The following HTR4 variants were observed in gnomAD, a reference collection of about 807,000 sequenced individuals.
HTR4 encodes 5-hydroxytryptamine (serotonin) receptor 4, G protein-coupled.
A neutral mutation model predicts 36.8 loss-of-function variants in HTR4; 16 were observed. That is an observed-to-expected ratio of 0.43 (90% CI 0.29 to 0.66). HTR4 has a LOEUF of 0.66. Ranked by LOEUF, HTR4 falls within the 30% of genes least tolerant of loss-of-function variation. The probability of loss-of-function intolerance (pLI) is 0.13; values close to 1 mark genes in which losing one functional copy is unlikely to be tolerated. For missense variants in HTR4, 438 were observed against 490.9 expected (o/e 0.89, Z 1.02); for synonymous variants, 189 against 185.1 (o/e 1.02, Z -0.17).
At position 148,481,700 on chromosome 5, in the gene HTR4, A is replaced by G. The variant is rs199569491; in HGVS notation, c.*1503T>C. On this transcript the variant is annotated 3_prime_UTR_variant, in exon 7 of 7. Coordinates refer to ENST00000377888, the MANE Select transcript of HTR4 (RefSeq NM_000870.7). ...ATAAGAAAAAAAGAGAATATGATAA[A>G]TAATCCTGAGATGCTATTAAACCAC... 5 of 1,464,398 alleles carry G rather than the reference A, an allele frequency of 3.4e-6. No homozygotes were observed. The highest frequency in any genetic ancestry group is 4.5e-6 in the Non-Finnish European group (5 of 1,121,094). 90.7% of individuals were successfully genotyped at this position (1,464,398 alleles called of 1,614,324 possible). A position where few individuals can be genotyped will look rare whatever the true frequency, so the allele number is the denominator to read the frequency against.
intron 2 of HTR4, among the ~76,000 whole-genome samples, chr5:148,571,916 A>C (rs1291508043): frequency 6.6e-6 from 1 of 152,114 alleles, no homozygotes; most frequent in African/African-American, 2.4e-5. Context: ...TATCTCATGA[A>C]TATCTAATTT....
intron 2 of HTR4, among the ~76,000 whole-genome samples, chr5:148,576,126 A>C (rs1277849224): frequency 1.3e-5 from 2 of 149,292 alleles, no homozygotes; most frequent in South Asian, 2.1e-4. Flanking sequence ...AAAAAAAAAA[A>C]AAAAAAACAA....
At chr5:148,510,127 G>C in intron 5 of HTR4, 103 bp from the exon 6 acceptor site, 1 of 699,366 alleles carries the variant, frequency 1.4e-6, no homozygotes. Context: ...AAAAGAAAAA[G>C]GGAAAAGGAA....
chr5:148,490,556 A>T (rs1756370763), intron 6 of HTR4: 1 of 1,120,930 alleles, frequency 8.9e-7, no homozygotes, highest in African/African-American at 1.7e-5. Flanking sequence ...AACTCACAGA[A>T]TCACAAAAAA....
chr5:148,529,351 G>T (rs187839563), intron 4 of HTR4, among the ~76,000 whole-genome samples: 2 of 152,254 alleles, frequency 1.3e-5, no homozygotes, highest in Non-Finnish European at 1.5e-5. Flanking sequence ...TTGTGGGAGG[G>T]ACCAAGTGGG....
chr5:148,516,761 T>C (rs723181), intron 5 of HTR4, among the ~76,000 whole-genome samples: 5,377 of 152,202 alleles, frequency 0.035, 123 homozygotes, highest in African/African-American at 0.058. Flanking sequence ...GGTGACTTAA[T>C]TAAAGGACAC....
chr5:148,543,792 G>A (rs1480791772), intron 4 of HTR4, among the ~76,000 whole-genome samples: 1 of 152,152 alleles, frequency 6.6e-6, no homozygotes, highest in East Asian at 1.9e-4. Flanking sequence ...TGAACAGGGA[G>A]GAGGTTAACC....
chr5:148,614,965 T>C (rs1207520303), intron 2 of HTR4, among the ~76,000 whole-genome samples: 1 of 151,906 alleles, frequency 6.6e-6, no homozygotes, highest in African/African-American at 2.4e-5. Flanking sequence ...GAAATGCAAA[T>C]CAAAACCACA....
chr5:148,570,252 A>C (rs768947551), intron 2 of HTR4, among the ~76,000 whole-genome samples: 9 of 152,118 alleles, frequency 5.9e-5, no homozygotes, highest in Non-Finnish European at 1.2e-4. Context: ...ATCTAGATGC[A>C]CTCAACAGAG....
At chr5:148,645,533 A>C (rs564243895) in intron 1 of HTR4, 2 of 152,236 alleles carry the variant, frequency 1.3e-5, no homozygotes, top group East Asian at 3.9e-4. Flanking sequence ...TCAAACCACA[A>C]CCCTGGAATC....
intron 4 of HTR4, among the ~76,000 whole-genome samples, chr5:148,526,656 A>T (rs1233274079): frequency 9.9e-5 from 15 of 152,122 alleles, no homozygotes; most frequent in Non-Finnish European, 2.1e-4. Context: ...GAGTATAGAA[A>T]ATGTGGTATA....
At chr5:148,612,087 T>TAACACCCCACTGTC (rs1464341128) in intron 2 of HTR4, among the ~76,000 whole-genome samples, 1 of 152,112 alleles carries the variant, frequency 6.6e-6, no homozygotes, top group African/African-American at 2.4e-5. Flanking sequence ...TGGGAGAATT[T>TAACACCCCACTGTC]AACACCCCAC....
At chr5:148,596,451 C>T (rs1022603595) in intron 2 of HTR4, among the ~76,000 whole-genome samples, 3 of 152,154 alleles carry the variant, frequency 2.0e-5, no homozygotes, top group African/African-American at 7.2e-5. Flanking sequence ...TCACCTCAAG[C>T]AACTTTTTCA....
chr5:148,567,197 T>C (rs559692447), intron 2 of HTR4, among the ~76,000 whole-genome samples: 20 of 152,240 alleles, frequency 1.3e-4, no homozygotes, highest in African/African-American at 4.8e-4. Context: ...AAAGAAAGAA[T>C]AACTTCAATA....
intron 5 of HTR4, among the ~76,000 whole-genome samples, chr5:148,466,125 C>T (rs115721434): frequency 0.016 from 2,507 of 152,192 alleles, 82 homozygotes; most frequent in African/African-American, 0.057. Flanking sequence ...CCACAGTGTA[C>T]GTCTAAAAAG....
intron 6 of HTR4, among the ~76,000 whole-genome samples, chr5:148,504,875 A>G (rs1437590406): frequency 6.6e-6 from 1 of 152,246 alleles, no homozygotes; most frequent in Non-Finnish European, 1.5e-5. Context: ...CCTCTACGCA[A>G]ATAAACTAGA....
chr5:148,535,696 T>C (rs1758781611), intron 4 of HTR4, among the ~76,000 whole-genome samples: 1 of 151,794 alleles, frequency 6.6e-6, no homozygotes, highest in African/African-American at 2.4e-5. Flanking sequence ...GACAAAATAA[T>C]TAAAAGGAAT....
intron 6 of HTR4, among the ~76,000 whole-genome samples, chr5:148,502,065 GA>G (rs796374266): frequency 0.056 from 6,342 of 113,412 alleles, 161 homozygotes; most frequent in South Asian, 0.085. Context: ...GTCTCAAAAA[GA>G]AAAAAAAAAA....
intron 2 of HTR4, among the ~76,000 whole-genome samples, chr5:148,557,763 TATATA>T (rs1290971342): frequency 1.3e-5 from 2 of 148,168 alleles, no homozygotes; most frequent in Non-Finnish European, 3.0e-5. Flanking sequence ...ATAATACATA[TATATA>T]ATATATTATA....
Sources: gnomAD v4.1 joint callset for allele counts (sites outside exome capture counted in the v4.1 genomes callset) on GRCh38, gnomAD v4.1.1 for gene constraint, MANE v1.5 for transcripts, NCBI Gene and HGNC (gene_info 2026-07-23, HGNC 2026-07-21) for gene names.